The following CDH4 variants were observed in gnomAD, a reference collection of about 807,000 sequenced individuals.
The protein encoded by CDH4 is cadherin 4, also known as cadherin-4.
A neutral mutation model predicts 86.0 loss-of-function variants in CDH4; 33 were observed. The ratio of observed to expected loss-of-function variants is 0.38; its 90% CI spans 0.29 to 0.51. CDH4 has a LOEUF of 0.51. Among genes scored for constraint, CDH4 ranks in the 20% least tolerant of loss-of-function variants. The pLI is 0.86. For synonymous variants in CDH4, 555 were observed against 549.4 expected (o/e 1.01, Z -0.14); for missense variants, 1,114 against 1,307.4 (o/e 0.85, Z 2.28).
At chr20:61,561,421 C>T (rs1470900629) in intron 2 of CDH4, among the ~76,000 whole-genome samples, 1 of 152,246 alleles carries the variant, frequency 6.6e-6, no homozygotes. Flanking sequence ...AGCCACATGG[C>T]GGGTGCAGGC....
chr20:61,403,229 C>G (rs1568831293), intron 2 of CDH4, among the ~76,000 whole-genome samples: 2 of 152,200 alleles, frequency 1.3e-5, no homozygotes, highest in African/African-American at 2.4e-5. Context: ...GGGTCTTGAT[C>G]TTTGCCATCC....
intron 2 of CDH4, among the ~76,000 whole-genome samples, chr20:61,398,959 G>A (rs1341014163): frequency 6.6e-6 from 1 of 152,140 alleles, no homozygotes; most frequent in African/African-American, 2.4e-5. Flanking sequence ...TCTGGCCATG[G>A]AGGTGTGATG....
At chr20:61,652,060 C>A (rs554235911) in intron 2 of CDH4, among the ~76,000 whole-genome samples, 2 of 152,202 alleles carry the variant, frequency 1.3e-5, no homozygotes, top group African/African-American at 2.4e-5. Flanking sequence ...TCGGCCAGGA[C>A]GGCAGCCTGT....
chr20:61,510,540 C>T lies in CDH4; in HGVS notation c.170-233023C>T, dbSNP rs1202029797. ...CATAAAATGCAACCACTGTCTACTGCCCCAGGAATGGCCCACGGGTGTCGG... is the reference window on the plus strand; with the variant it reads ...CATAAAATGCAACCACTGTCTACTGTCCCAGGAATGGCCCACGGGTGTCGG... On this transcript the variant is annotated intron_variant, in intron 2 of 15. Transcript: ENST00000614565. The surrounding 1 kb of genome is among the most constrained non-coding windows in gnomAD (Gnocchi z 4.2). 1.3e-5 allele frequency among the ~76,000 whole-genome samples: 2 copies of T among 152,178 alleles called. No individual in the cohort carries two copies. The highest frequency in any genetic ancestry group is 3.9e-4 in the East Asian group (2 of 5,188).
intron 2 of CDH4, among the ~76,000 whole-genome samples, chr20:61,391,951 G>C (rs2084988418): frequency 6.6e-6 from 1 of 151,992 alleles, no homozygotes; most frequent in Non-Finnish European, 1.5e-5. Context: ...TGTGCAGAAA[G>C]GCAAAGATGA....
chr20:61,632,886 A>G (rs1182156076), intron 2 of CDH4, among the ~76,000 whole-genome samples: 1 of 89,974 alleles, frequency 1.1e-5, no homozygotes, highest in Non-Finnish European at 2.2e-5. Flanking sequence ...CCACTCACCC[A>G]TCCACCTGTC....
At chr20:61,616,067 C>G (rs755631292) in intron 2 of CDH4, among the ~76,000 whole-genome samples, 7 of 152,222 alleles carry the variant, frequency 4.6e-5, no homozygotes, top group Non-Finnish European at 7.3e-5. Context: ...CTTGGGAACT[C>G]AGAGTGAGCC....
rs976132445 is a variant in CDH4, at chr20:61,517,866, C to T, written c.170-225697C>T. Among the ~76,000 whole-genome samples the T allele has an allele frequency of 2.0e-5, 3 of 152,158 alleles. No homozygotes were observed. The highest frequency in any genetic ancestry group is 1.3e-4 in the Admixed American group (2 of 15,276). ...ATTTCATTTATTCTCAGTTCCGTCC[C>T]ATGCAGGTGCCTCACAAAACCCATA... On this transcript the variant is annotated intron_variant, in intron 2 of 15. Transcript: ENST00000614565. This position sits in a 1 kb window ranked among gnomAD's most constrained non-coding sequence, Gnocchi z 6.6.
intron 2 of CDH4, among the ~76,000 whole-genome samples, chr20:61,741,081 C>T (rs1354395855): frequency 5.9e-5 from 9 of 152,236 alleles, no homozygotes; most frequent in South Asian, 2.1e-4. Context: ...TGGTGGTGCA[C>T]GCCTGTAGTC....
chr20:61,395,845 G>T (rs2085013856), intron 2 of CDH4, among the ~76,000 whole-genome samples: 1 of 152,138 alleles, frequency 6.6e-6, no homozygotes, highest in Non-Finnish European at 1.5e-5. Context: ...TGCTATCGGG[G>T]TATTATCTGA....
intron 2 of CDH4, among the ~76,000 whole-genome samples, chr20:61,277,802 G>A (rs781161896): frequency 2.0e-5 from 3 of 152,186 alleles, no homozygotes; most frequent in Non-Finnish European, 4.4e-5. Flanking sequence ...TTACTGTGTC[G>A]GGAGTTTCAG....
At chr20:61,344,608 A>G (rs1278978721) in intron 2 of CDH4, among the ~76,000 whole-genome samples, 1 of 152,314 alleles carries the variant, frequency 6.6e-6, no homozygotes, top group South Asian at 2.1e-4. Flanking sequence ...CCGCCTCTTC[A>G]CTAAGAGGTA....
In CDH4 at chr20:61,623,282, C is replaced by T. The variant is rs139973210; in HGVS notation, c.170-120281C>T. 1.3e-5 allele frequency among the ~76,000 whole-genome samples: 2 copies of T among 152,258 alleles called. No individual in the cohort carries two copies. The highest frequency in any genetic ancestry group is 6.5e-5 in the Admixed American group (1 of 15,298). On this transcript the variant is annotated intron_variant, in intron 2 of 15. Coordinates refer to ENST00000614565, the MANE Select transcript of CDH4 (RefSeq NM_001794.5). This position sits in a 1 kb window ranked among gnomAD's most constrained non-coding sequence, Gnocchi z 4.4. ...CTGCTTTTTCCTTGAGCATCTGGGACGTCTGTCATCAGCAGACAGCTGCTG... is the reference window on the plus strand; with the variant it reads ...CTGCTTTTTCCTTGAGCATCTGGGATGTCTGTCATCAGCAGACAGCTGCTG...
At chr20:61,662,229 C>G (rs1258926737) in intron 2 of CDH4, among the ~76,000 whole-genome samples, 1 of 152,150 alleles carries the variant, frequency 6.6e-6, no homozygotes, top group African/African-American at 2.4e-5. Context: ...AGAGTTCTTC[C>G]AAACTGGACC....
intron 2 of CDH4, among the ~76,000 whole-genome samples, chr20:61,399,831 C>T (rs899113049): frequency 3.9e-5 from 6 of 152,126 alleles, no homozygotes; most frequent in South Asian, 2.1e-4. Context: ...TGCAGGGGCT[C>T]GGGGACAATG....
intron 4 of CDH4, among the ~76,000 whole-genome samples, chr20:61,812,449 C>T (rs945928827): frequency 6.6e-6 from 1 of 152,132 alleles, no homozygotes; most frequent in Non-Finnish European, 1.5e-5. Context: ...AGAAGGGGTT[C>T]GCTGCCCAGG....
chr20:61,313,066 T>C (rs1461802894), intron 2 of CDH4, among the ~76,000 whole-genome samples: 5 of 152,208 alleles, frequency 3.3e-5, no homozygotes, highest in Non-Finnish European at 7.3e-5. Flanking sequence ...CAAAGACCGA[T>C]TCTAATACTG....
At chr20:61,498,585 G>A (rs1431813462) in intron 2 of CDH4, among the ~76,000 whole-genome samples, 2 of 152,116 alleles carry the variant, frequency 1.3e-5, no homozygotes, top group Non-Finnish European at 2.9e-5. Context: ...CAATCTGCAG[G>A]TGAACCTCAC....
intron 2 of CDH4, among the ~76,000 whole-genome samples, chr20:61,302,425 A>T (rs893271965): frequency 6.6e-6 from 1 of 152,180 alleles, no homozygotes; most frequent in Non-Finnish European, 1.5e-5. Context: ...CTAACTTCAG[A>T]TGAACGGTGA....
Sources: gnomAD v4.1 joint callset for allele counts (sites outside exome capture counted in the v4.1 genomes callset) on GRCh38, gnomAD v4.1.1 for gene constraint, Gnocchi (gnomAD v3.1) non-coding constraint, MANE v1.5 for transcripts, NCBI Gene and HGNC (gene_info 2026-07-23, HGNC 2026-07-21) for gene names.